Variants in WDPCP observed in about 807,000 individuals in gnomAD.
WDPCP encodes the protein WD repeat-containing and planar cell polarity effector protein fritz homolog.
A neutral mutation model predicts 93.1 loss-of-function variants in WDPCP; 71 were observed. That is an observed-to-expected ratio of 0.76 (90% CI 0.63 to 0.93). The LOEUF is 0.93. WDPCP is among the 40% of genes least tolerant of loss of function. The probability of loss-of-function intolerance (pLI) is 0.00; values close to 1 mark genes in which losing one functional copy is unlikely to be tolerated. For missense variants in WDPCP, 844 were observed against 887.4 expected (o/e 0.95, Z 0.62); for synonymous variants, 315 against 315.0 (o/e 1.00, Z 0.00).
intron 3 of WDPCP, chr2:63,604,700 C>T (rs1415236992): frequency 2.6e-5 from 42 of 1,612,596 alleles, no homozygotes; most frequent in Non-Finnish European, 3.6e-5. Flanking sequence ...AACTAGATTG[C>T]TCTTAAACTT....
intron 3 of WDPCP, among the ~76,000 whole-genome samples, chr2:63,637,587 T>C (rs1381005882): frequency 6.6e-6 from 1 of 151,290 alleles, no homozygotes; most frequent in African/African-American, 2.4e-5. Flanking sequence ...AAAAAAACAA[T>C]AAATACACAA....
In WDPCP at chr2:63,513,559, T is replaced by C. The variant is rs1702370654; in HGVS notation, c.76-20619A>G. 2.0e-5 allele frequency among the ~76,000 whole-genome samples: 3 copies of C among 152,124 alleles called. No homozygotes were observed. In the South Asian group the frequency reaches 6.2e-4, roughly 32 times the overall value. ...CAAAAGTGATTCACGGAAACCAGAA[T>C]TCCTCTTCCTCAAGTGTCATAGACA... On this transcript the variant is annotated intron_variant, in intron 1 of 17. Coordinates refer to ENST00000272321, the MANE Select transcript of WDPCP (RefSeq NM_015910.7).
At chr2:63,316,040 G>C (rs1274618531) in intron 12 of WDPCP, among the ~76,000 whole-genome samples, 1 of 152,058 alleles carries the variant, frequency 6.6e-6, no homozygotes, top group African/African-American at 2.4e-5. Flanking sequence ...TGGGACTACA[G>C]GTGTGAGCCA....
chr2:63,136,760 G>A (rs1574692244), intron 17 of WDPCP, among the ~76,000 whole-genome samples: 1 of 151,938 alleles, frequency 6.6e-6, no homozygotes, highest in Non-Finnish European at 1.5e-5. Context: ...CCCTCTATGT[G>A]TCCATGTGTT....
At chr2:63,791,880 T>A (rs904603589) in intron 2 of WDPCP, among the ~76,000 whole-genome samples, 2 of 152,166 alleles carry the variant, frequency 1.3e-5, no homozygotes, top group African/African-American at 4.8e-5. Context: ...ATAATAACTA[T>A]GAAATTAAAT....
intron 13 of WDPCP, among the ~76,000 whole-genome samples, chr2:63,277,250 C>T (rs1379833832): frequency 6.6e-6 from 1 of 152,068 alleles, no homozygotes; most frequent in African/African-American, 2.4e-5. Flanking sequence ...GAAATAAATC[C>T]TCAAAACACA....
chr2:63,632,665 C>T (rs901034373), intron 3 of WDPCP, among the ~76,000 whole-genome samples: 5 of 151,788 alleles, frequency 3.3e-5, no homozygotes, highest in African/African-American at 4.8e-5. Flanking sequence ...TTGAAATTAT[C>T]CAGTTAGGGA....
At chr2:63,195,502 C>T (rs1675357264) in intron 14 of WDPCP, among the ~76,000 whole-genome samples, 1 of 152,086 alleles carries the variant, frequency 6.6e-6, no homozygotes. Context: ...CTCATTCTGG[C>T]ATCCAGGCTG....
At chr2:63,600,483 AT>A (rs540221435) in intron 3 of WDPCP, among the ~76,000 whole-genome samples, 90 of 152,316 alleles carry the variant, frequency 5.9e-4, no homozygotes, top group Non-Finnish European at 1.2e-3. Flanking sequence ...TAGCTCTGTG[AT>A]TTTGAGAAAG....
chr2:63,469,427 G>C (rs1699556854), intron 6 of WDPCP, among the ~76,000 whole-genome samples: 1 of 152,204 alleles, frequency 6.6e-6, no homozygotes, highest in African/African-American at 2.4e-5. Context: ...ATTCACAATA[G>C]CAAAGACATG....
At chr2:63,212,730 G>A (rs140877426) in intron 14 of WDPCP, among the ~76,000 whole-genome samples, 10 of 151,260 alleles carry the variant, frequency 6.6e-5, no homozygotes, top group Non-Finnish European at 1.2e-4. Context: ...CCCATTTCAC[G>A]TTCAGAGACA....
At chr2:63,284,999 A>G (rs921029454) in intron 13 of WDPCP, among the ~76,000 whole-genome samples, 9 of 152,368 alleles carry the variant, frequency 5.9e-5, no homozygotes, top group African/African-American at 2.2e-4. Flanking sequence ...AAACAAAACA[A>G]AACAAAAACA....
chr2:63,566,379 C>T (rs372601370), intron 1 of WDPCP, among the ~76,000 whole-genome samples: 3 of 152,198 alleles, frequency 2.0e-5, no homozygotes, highest in South Asian at 4.1e-4. Context: ...CACTTCTAGT[C>T]GTCCTGCCTT....
Position 63,120,589 on chromosome 2 carries a change from C to T in WDPCP, c.*1417G>A, listed in dbSNP as rs540370990. Among the ~76,000 whole-genome samples, 2 of 142,458 alleles carry T rather than the reference C, an allele frequency of 1.4e-5. No individual in the cohort carries two copies. The highest frequency in any genetic ancestry group is 2.0e-4 in the East Asian group (1 of 4,882). 93.5% of individuals were successfully genotyped at this position (142,458 alleles called of 152,430 possible). A position where few individuals can be genotyped will look rare whatever the true frequency, so the allele number is the denominator to read the frequency against. On this transcript the variant is annotated 3_prime_UTR_variant, in exon 18 of 18. Transcript: ENST00000272321. ...TCACCCAGGCTGGAGCGTAATGGTGCGACCTCAGCTCACTGCAGCCTCCGC... is the reference window on the plus strand; with the variant it reads ...TCACCCAGGCTGGAGCGTAATGGTGTGACCTCAGCTCACTGCAGCCTCCGC...
At chr2:63,528,712 A>C (rs1558760073) in intron 1 of WDPCP, among the ~76,000 whole-genome samples, 1 of 152,092 alleles carries the variant, frequency 6.6e-6, no homozygotes, top group Non-Finnish European at 1.5e-5. Context: ...TTTTTTGGTT[A>C]CATACGAACT....
chr2:63,142,676 T>C (rs571889602), intron 17 of WDPCP, among the ~76,000 whole-genome samples: 18 of 152,250 alleles, frequency 1.2e-4, no homozygotes, highest in Non-Finnish European at 2.5e-4. Context: ...CATTGTTTCT[T>C]TGTTGAGTTT....
chr2:63,792,437 C>T (rs1670558079), intron 2 of WDPCP, among the ~76,000 whole-genome samples: 1 of 152,120 alleles, frequency 6.6e-6, no homozygotes, highest in Admixed American at 6.5e-5. Flanking sequence ...GCTCCCTCGA[C>T]ACATGGGATT....
intron 1 of WDPCP, chr2:63,571,752 A>T (rs1707521548): frequency 2.5e-6 from 1 of 396,718 alleles, no homozygotes. Flanking sequence ...TGAAAGATGA[A>T]CTACAATGCT....
chr2:63,808,954 C>T (rs1267358195), intron 2 of WDPCP, among the ~76,000 whole-genome samples: 1 of 151,854 alleles, frequency 6.6e-6, no homozygotes, highest in Non-Finnish European at 1.5e-5. Flanking sequence ...TCTGCCCGGC[C>T]TCCCATCATC....
Sources: allele counts gnomAD v4.1 joint callset (sites outside exome capture counted in the v4.1 genomes callset), GRCh38; gene constraint gnomAD v4.1.1; transcripts MANE v1.5; gene names NCBI Gene and HGNC (gene_info 2026-07-23, HGNC 2026-07-21).